Variants in SNTG2 observed in about 807,000 individuals in gnomAD.
SNTG2 encodes gamma-2-syntrophin.
A neutral mutation model predicts 70.9 loss-of-function variants in SNTG2; 74 were observed. That is an observed-to-expected ratio of 1.04 (90% confidence interval 0.86 to 1.27). SNTG2 has a LOEUF of 1.27. SNTG2 is among the 50% of genes most tolerant of loss of function. The pLI, the probability that SNTG2 is intolerant of heterozygous loss-of-function variation, is 0.00. For synonymous variants in SNTG2, 278 were observed against 273.8 expected, an observed-to-expected ratio of 1.02 and a Z score of -0.15; for missense variants, 717 against 690.7, an observed-to-expected ratio of 1.04 and a Z score of -0.43.
Position 1,293,763 on chromosome 2 carries a change from C to T in SNTG2, c.1285-14731C>T, listed in dbSNP as rs144169279. On this transcript the variant is annotated intron_variant, in intron 14 of 16. Transcript: ENST00000308624. ...CATTTTTTAAGGCTTGTTTTGCGGC[C>T]GAGCATGTGGAGCGAACCTTGTAAA... Among the ~76,000 whole-genome samples, 88 of 152,168 alleles carry T rather than the reference C, an allele frequency of 5.8e-4. 2 individuals carry two copies. In the East Asian group the frequency reaches 0.014, roughly 24 times the overall value.
chr2:1,145,883 T>C lies in SNTG2; in HGVS notation c.411+8074T>C, dbSNP rs1289911515. Among the ~76,000 whole-genome samples, 5 of 152,334 alleles carry C rather than the reference T, an allele frequency of 3.3e-5. No homozygotes were observed. In the South Asian group the frequency reaches 6.2e-4, roughly 19 times the overall value. On this transcript the variant is annotated intron_variant, in intron 6 of 16. Transcript: ENST00000308624. Reference sequence around the variant, plus strand: ...AACCAAGTGGGATTTTTTGCAGCTATGCAAGACTAGTTCAGCATTTGGAAA... The same window carrying C: ...AACCAAGTGGGATTTTTTGCAGCTACGCAAGACTAGTTCAGCATTTGGAAA...
chr2:1,102,826 G>A (rs532096936), intron 4 of SNTG2: 91 of 152,500 alleles, frequency 6.0e-4, no homozygotes, highest in Middle Eastern at 6.8e-3. Context: ...TTAGGAGTGT[G>A]GACAGCCCAA....
chr2:1,341,846 CT>C (rs368695045), intron 16 of SNTG2: 2,873 of 137,172 alleles, frequency 0.021, 35 homozygotes, highest in East Asian at 0.048. Flanking sequence ...ATTTTTATCG[CT>C]TTTTTTTTTT....
At chr2:1,064,014 G>C (rs938408838) in intron 1 of SNTG2, among the ~76,000 whole-genome samples, 1 of 152,026 alleles carries the variant, frequency 6.6e-6, no homozygotes, top group African/African-American at 2.4e-5. Context: ...GAAAGTGAGA[G>C]TAAATAGAAA....
chr2:967,332 T>C (rs907749492), intron 1 of SNTG2, among the ~76,000 whole-genome samples: 4 of 152,252 alleles, frequency 2.6e-5, no homozygotes, highest in East Asian at 1.9e-4. Flanking sequence ...GTGTTCATCA[T>C]TAAGTAAAAT....
chr2:1,040,415 A>G (rs995623724), intron 1 of SNTG2, among the ~76,000 whole-genome samples: 9 of 152,052 alleles, frequency 5.9e-5, no homozygotes, highest in African/African-American at 2.2e-4. Flanking sequence ...GTCTTTCTCC[A>G]GCTTTCCCCT....
intron 12 of SNTG2, among the ~76,000 whole-genome samples, chr2:1,250,265 A>T (rs1408585254): frequency 1.3e-5 from 2 of 152,126 alleles, no homozygotes; most frequent in Admixed American, 1.3e-4. Context: ...GGTCATTTAA[A>T]CTATTTGAAA....
intron 16 of SNTG2, among the ~76,000 whole-genome samples, chr2:1,323,330 A>C (rs757593278): frequency 6.6e-6 from 1 of 152,238 alleles, no homozygotes; most frequent in African/African-American, 2.4e-5. Context: ...TTTCATCATG[A>C]AAGTGGGTGG....
chr2:985,726 G>C (rs1661283646), intron 1 of SNTG2, among the ~76,000 whole-genome samples: 1 of 152,092 alleles, frequency 6.6e-6, no homozygotes, highest in Admixed American at 6.5e-5. Context: ...TCTTCTGATA[G>C]GACCGTCTGA....
Position 1,294,744 on chromosome 2 carries a change from A to AATTCCAGTAGAG in SNTG2, c.1285-13747_1285-13746insCCAGTAGAGATT, listed in dbSNP as rs568488054. ...AATCAGATATTAACATATGATGAGA[A>AATTCCAGTAGAG]ATTATTGAACAAAATATCTTAGCAT... is the stretch of plus-strand genomic sequence containing the variant. On this transcript the variant is annotated intron_variant, in intron 14 of 16. Transcript: ENST00000308624. Among the ~76,000 whole-genome samples the AATTCCAGTAGAG allele has an allele frequency of 4.5e-3, 680 of 152,344 alleles. 6 individuals are homozygous for AATTCCAGTAGAG. The highest frequency in any genetic ancestry group is 0.015 in the African/African-American group (638 of 41,572).
intron 14 of SNTG2, among the ~76,000 whole-genome samples, chr2:1,278,404 G>A (rs149411949): frequency 2.6e-5 from 4 of 152,218 alleles, no homozygotes; most frequent in Non-Finnish European, 4.4e-5. Flanking sequence ...TTTATGGAGG[G>A]CACCAGGTGC....
chr2:972,826 C>T (rs1197682113), intron 1 of SNTG2, among the ~76,000 whole-genome samples: 1 of 152,136 alleles, frequency 6.6e-6, no homozygotes, highest in East Asian at 1.9e-4. Flanking sequence ...TCCCTGAGGC[C>T]TCCCCAGAAG....
At chr2:1,086,572 C>T (rs541912395) in intron 2 of SNTG2, among the ~76,000 whole-genome samples, 11 of 152,264 alleles carry the variant, frequency 7.2e-5, no homozygotes, top group African/African-American at 2.2e-4. Flanking sequence ...TCCCCAGGTA[C>T]GAAGTAGAAG....
chr2:1,045,725 G>T (rs1175467953), intron 1 of SNTG2, among the ~76,000 whole-genome samples: 3 of 152,018 alleles, frequency 2.0e-5, no homozygotes, highest in South Asian at 2.1e-4. Flanking sequence ...TACTTTTATT[G>T]TGCTGTAATA....
At chr2:1,150,717 G>A (rs922080751) in intron 6 of SNTG2, among the ~76,000 whole-genome samples, 20 of 150,534 alleles carry the variant, frequency 1.3e-4, no homozygotes, top group Admixed American at 6.0e-4. Flanking sequence ...TCGTGTTAGA[G>A]TATAAAGGTC....
At chr2:1,321,280 G>T (rs148565435) in intron 16 of SNTG2, among the ~76,000 whole-genome samples, 3 of 152,172 alleles carry the variant, frequency 2.0e-5, no homozygotes, top group African/African-American at 7.2e-5. Context: ...CAGAGGTTGT[G>T]CCTTGAAAGC....
intron 1 of SNTG2, among the ~76,000 whole-genome samples, chr2:952,367 C>T (rs1420556231): frequency 2.0e-5 from 3 of 152,230 alleles, no homozygotes; most frequent in African/African-American, 7.2e-5. Flanking sequence ...TCGAGCAAAG[C>T]AATTCTTGCT....
At chr2:989,240 A>T (rs1222364732) in intron 1 of SNTG2, among the ~76,000 whole-genome samples, 1 of 151,912 alleles carries the variant, frequency 6.6e-6, no homozygotes, top group Non-Finnish European at 1.5e-5. Flanking sequence ...TCCATCTTGC[A>T]TTGGGTAGGA....
intron 14 of SNTG2, among the ~76,000 whole-genome samples, chr2:1,287,555 TGGA>T (rs143820705): frequency 0.038 from 5,761 of 151,904 alleles, 353 homozygotes; most frequent in African/African-American, 0.13. Context: ...TGAGCAGGGG[TGGA>T]GAATAGCAGC....
Sources: allele counts gnomAD v4.1 joint callset (sites outside exome capture counted in the v4.1 genomes callset), GRCh38; gene constraint gnomAD v4.1.1; transcripts MANE v1.5; gene names NCBI Gene and HGNC (gene_info 2026-07-23, HGNC 2026-07-21).